Variants in ASIC2 observed in about 807,000 individuals in gnomAD.
The protein encoded by ASIC2 is acid-sensing ion channel 2.
Under a neutral mutation model 57.3 loss-of-function variants are expected in ASIC2, and 25 were observed. That is an observed-to-expected ratio of 0.44 (90% CI 0.32 to 0.61). The LOEUF is 0.61. ASIC2 is among the 20% of genes least tolerant of loss of function. ASIC2 has a pLI of 0.06. For synonymous variants in ASIC2, 319 were observed against 307.5 expected, an observed-to-expected ratio of 1.04 and a Z score of -0.39; for missense variants, 641 against 738.1, an observed-to-expected ratio of 0.87 and a Z score of 1.52.
chr17:33,486,935 A>G (rs1913593623), intron 1 of ASIC2, among the ~76,000 whole-genome samples: 1 of 152,188 alleles, frequency 6.6e-6, no homozygotes, highest in African/African-American at 2.4e-5. Flanking sequence ...GATGCGCAGC[A>G]CCCAACCACA....
chr17:33,158,672 C>T (rs779977823), intron 1 of ASIC2, among the ~76,000 whole-genome samples: 56 of 152,224 alleles, frequency 3.7e-4, no homozygotes, highest in Non-Finnish European at 4.4e-4. Flanking sequence ...GTTCAAAACC[C>T]GATATTACTA....
intron 1 of ASIC2, among the ~76,000 whole-genome samples, chr17:33,963,614 TTATA>T (rs1649307419): frequency 6.6e-6 from 1 of 151,736 alleles, no homozygotes; most frequent in South Asian, 2.1e-4. Context: ...TATTGTTATA[TTATA>T]TATTATGTAT....
In ASIC2 at chr17:33,345,242, C is replaced by T. The variant is rs569525159; in HGVS notation, c.556-233175G>A. Among the ~76,000 whole-genome samples the T allele has an allele frequency of 5.3e-5, 8 of 152,232 alleles. No individual in the cohort carries two copies. In the South Asian group the frequency reaches 1.7e-3, roughly 32 times the overall value. On this transcript the variant is annotated intron_variant, in intron 1 of 9. Transcript: ENST00000359872. ...ATGTCAGAGATTAGCAGTTTTTCCC[C>T]TTAGTAACATTCTTTGGTGCATTTC... is the stretch of plus-strand genomic sequence containing the variant.
Position 33,316,579 on chromosome 17 carries a change from C to T in ASIC2, c.556-204512G>A, listed in dbSNP as rs60439313. ...CTGGGATTACAGGCATGAGACACCA[C>T]GCCTGGCCATCTTCATGTTTTAAGA... On this transcript the variant is annotated intron_variant, in intron 1 of 9. Coordinates refer to the ASIC2 transcript ENST00000359872. Among the ~76,000 whole-genome samples the T allele has an allele frequency of 7.0e-3, 1,062 of 152,320 alleles. 11 individuals are homozygous for T. The highest frequency in any genetic ancestry group is 0.024 in the African/African-American group (1,005 of 41,566).
chr17:33,119,260 T>G (rs1295839145), intron 1 of ASIC2, among the ~76,000 whole-genome samples: 3 of 152,214 alleles, frequency 2.0e-5, no homozygotes, highest in African/African-American at 7.2e-5. Flanking sequence ...GAAATTGCAC[T>G]GCTCCAAAAT....
At chr17:33,612,886 A>T (rs554995832) in intron 1 of ASIC2, among the ~76,000 whole-genome samples, 4 of 152,340 alleles carry the variant, frequency 2.6e-5, no homozygotes, top group African/African-American at 7.2e-5. Context: ...TTGCTGTTGT[A>T]CTGGCTCCCT....
intron 1 of ASIC2, among the ~76,000 whole-genome samples, chr17:33,626,719 A>T (rs9911526): frequency 0.52 from 79,730 of 151,880 alleles, 21,517 homozygotes; most frequent in African/African-American, 0.63. Flanking sequence ...CAAGTCCAGT[A>T]GATCCTGTCT....
chr17:33,204,933 G>A (rs1470786461), intron 1 of ASIC2, among the ~76,000 whole-genome samples: 1 of 152,236 alleles, frequency 6.6e-6, no homozygotes, highest in Non-Finnish European at 1.5e-5. Context: ...TGATCCCTGG[G>A]TTGAGCCATG....
chr17:33,594,326 G>A (rs1904915139), intron 1 of ASIC2, among the ~76,000 whole-genome samples: 1 of 152,242 alleles, frequency 6.6e-6, no homozygotes, highest in Non-Finnish European at 1.5e-5. Flanking sequence ...TACCAGAGCA[G>A]GTACGGCTCT....
chr17:33,337,188 C>A (rs767854713), intron 1 of ASIC2, among the ~76,000 whole-genome samples: 1 of 152,116 alleles, frequency 6.6e-6, no homozygotes, highest in Non-Finnish European at 1.5e-5. Context: ...AGTGAGGTAG[C>A]ACTGACAGAA....
At chr17:33,685,165 C>T (rs1908143399) in intron 1 of ASIC2, among the ~76,000 whole-genome samples, 1 of 152,156 alleles carries the variant, frequency 6.6e-6, no homozygotes, top group Admixed American at 6.5e-5. Context: ...GGATGGAGGT[C>T]AGATTTCCCC....
At chr17:33,165,048 G>C (rs1160339827) in intron 1 of ASIC2, among the ~76,000 whole-genome samples, 1 of 152,236 alleles carries the variant, frequency 6.6e-6, no homozygotes, top group East Asian at 1.9e-4. Context: ...TGTTTGAGGT[G>C]TAAGGACAAC....
chr17:33,263,705 C>T (rs1035662325), intron 1 of ASIC2, among the ~76,000 whole-genome samples: 4 of 149,010 alleles, frequency 2.7e-5, no homozygotes, highest in African/African-American at 7.4e-5. Flanking sequence ...CCTTCATTAC[C>T]CAGCCTAGGC....
chr17:33,947,110 A>G (rs1904400279), intron 1 of ASIC2, among the ~76,000 whole-genome samples: 1 of 151,740 alleles, frequency 6.6e-6, no homozygotes, highest in African/African-American at 2.4e-5. Flanking sequence ...TTGTAAAGCA[A>G]TTCACAGTTC....
intron 1 of ASIC2, among the ~76,000 whole-genome samples, chr17:33,545,668 T>C (rs1240116398): frequency 6.6e-6 from 1 of 152,124 alleles, no homozygotes; most frequent in African/African-American, 2.4e-5. Context: ...ACCTCCTCAC[T>C]TCTCTAATTG....
At chr17:33,249,334 A>G (rs1383086064) in intron 1 of ASIC2, among the ~76,000 whole-genome samples, 1 of 152,146 alleles carries the variant, frequency 6.6e-6, no homozygotes, top group East Asian at 1.9e-4. Flanking sequence ...GCTGGGGAGA[A>G]GAGCCCAGGG....
intron 1 of ASIC2, among the ~76,000 whole-genome samples, chr17:33,746,993 A>G (rs1910287121): frequency 6.6e-6 from 1 of 152,228 alleles, no homozygotes; most frequent in Admixed American, 6.5e-5. Context: ...AGACTTTGAG[A>G]TGAATAAATA....
chr17:33,021,429 TG>T (rs1475464066), intron 6 of ASIC2, 119 bp from the exon 7 acceptor site: 1 of 820,204 alleles, frequency 1.2e-6, no homozygotes, highest in African/African-American at 1.8e-5. Context: ...TGAGGCAGCT[TG>T]CCCAAAGTTA....
intron 1 of ASIC2, among the ~76,000 whole-genome samples, chr17:33,225,986 G>A (rs2142102180): frequency 6.6e-6 from 1 of 152,082 alleles, no homozygotes; most frequent in African/African-American, 2.4e-5. Flanking sequence ...CATGTGCCAG[G>A]CAGTATCATA....
Sources: allele counts gnomAD v4.1 joint callset (sites outside exome capture counted in the v4.1 genomes callset), GRCh38; gene constraint gnomAD v4.1.1; transcripts MANE v1.5; gene names NCBI Gene and HGNC (gene_info 2026-07-23, HGNC 2026-07-21).